The following CNTNAP5 variants were observed in gnomAD, a reference collection of about 807,000 sequenced individuals.
CNTNAP5 encodes the protein contactin associated protein family member 5, also known as contactin-associated protein-like 5.
CNTNAP5 carries 72 observed loss-of-function variants against 150.2 expected under a neutral mutation model. The ratio of observed to expected loss-of-function variants is 0.48; its 90% CI spans 0.40 to 0.58. CNTNAP5 has a LOEUF of 0.58. Among genes scored for constraint, CNTNAP5 ranks in the 20% least tolerant of loss-of-function variants. The pLI is 0.00. For missense variants in CNTNAP5, 1,636 were observed against 1,626.2 expected, an observed-to-expected ratio of 1.01 and a Z score of -0.10; for synonymous variants, 672 against 619.8, an observed-to-expected ratio of 1.08 and a Z score of -1.25.
intron 19 of CNTNAP5, among the ~76,000 whole-genome samples, chr2:124,844,444 G>T (rs1444809015): frequency 2.0e-5 from 3 of 152,058 alleles, no homozygotes. Flanking sequence ...GTCAGGTAAT[G>T]CGATGCCTCC....
At chr2:124,870,169 A>G (rs72963865) in intron 21 of CNTNAP5, among the ~76,000 whole-genome samples, 5,601 of 144,448 alleles carry the variant, frequency 0.039, 334 homozygotes, top group African/African-American at 0.14. Context: ...TTTTTTTTCT[A>G]TTGGAAGTTC....
intron 21 of CNTNAP5, among the ~76,000 whole-genome samples, chr2:124,901,167 C>G (rs1272968261): frequency 2.0e-5 from 3 of 151,514 alleles, no homozygotes; most frequent in African/African-American, 7.3e-5. Flanking sequence ...TTTTCATTAT[C>G]ATTTTTGGGA....
intron 3 of CNTNAP5, among the ~76,000 whole-genome samples, chr2:124,339,016 G>A (rs959104580): frequency 1.3e-5 from 2 of 152,132 alleles, no homozygotes; most frequent in South Asian, 2.1e-4. Flanking sequence ...GGTAGTCATG[G>A]AGGAAAAAAG....
At chr2:124,416,570 T>C (rs1420339262) in intron 3 of CNTNAP5, among the ~76,000 whole-genome samples, 3 of 152,180 alleles carry the variant, frequency 2.0e-5, no homozygotes, top group African/African-American at 4.8e-5. Flanking sequence ...GTAACAACAA[T>C]GAAATTGTTG....
At chr2:124,762,325 A>G (rs1041874520) in intron 14 of CNTNAP5, among the ~76,000 whole-genome samples, 2 of 152,126 alleles carry the variant, frequency 1.3e-5, no homozygotes, top group Non-Finnish European at 2.9e-5. Flanking sequence ...AGATGAATTA[A>G]TATGTTTTTC....
intron 11 of CNTNAP5, among the ~76,000 whole-genome samples, chr2:124,597,891 A>G (rs994243894): frequency 2.9e-5 from 4 of 138,296 alleles, no homozygotes; most frequent in African/African-American, 1.1e-4. Context: ...CATTTCATTC[A>G]TTTCATCTTC....
At chr2:124,451,406 G>A (rs143513987) in intron 6 of CNTNAP5, among the ~76,000 whole-genome samples, 2 of 151,978 alleles carry the variant, frequency 1.3e-5, no homozygotes, top group African/African-American at 4.8e-5. Context: ...TTGGAACTAA[G>A]ATATATAAAA....
chr2:124,114,769 C>T (rs115271314), intron 1 of CNTNAP5, among the ~76,000 whole-genome samples: 2,865 of 151,636 alleles, frequency 0.019, 42 homozygotes, highest in Middle Eastern at 0.057. Context: ...TAACACTTTA[C>T]TAACTTAAAT....
At chr2:124,563,346 C>T (rs1327266687) in intron 11 of CNTNAP5, 23 bp downstream of exon 11, 28 of 1,455,444 alleles carry the variant, frequency 1.9e-5, no homozygotes, top group Non-Finnish European at 2.2e-5. Context: ...ATCATTTGCC[C>T]CTGGTGGCTT....
Position 124,416,711 on chromosome 2 carries a change from T to C in CNTNAP5, c.382-732T>C, listed in dbSNP as rs553787282. Among the ~76,000 whole-genome samples the C allele has an allele frequency of 6.8e-4, 104 of 152,238 alleles. 1 individual carries two copies. Among genetic ancestry groups the C allele is most frequent in the Middle Eastern group, 3.4e-3 (1 of 294 alleles). The stretch of plus-strand genomic sequence containing the variant: ...ATCTGTAAAATGGTGATAATGATAA[T>C]GGAAAGTGCTTAGCATAGTGACTGG... On this transcript the variant is annotated intron_variant, in intron 3 of 23. Transcript: ENST00000682447.
intron 19 of CNTNAP5, among the ~76,000 whole-genome samples, chr2:124,800,324 A>T (rs899197292): frequency 1.3e-5 from 2 of 152,208 alleles, no homozygotes; most frequent in African/African-American, 4.8e-5. Context: ...AGCTGCCATG[A>T]AGACAGACAG....
intron 10 of CNTNAP5, among the ~76,000 whole-genome samples, chr2:124,559,313 A>T (rs1344454354): frequency 6.6e-6 from 1 of 151,192 alleles, no homozygotes; most frequent in East Asian, 2.0e-4. Flanking sequence ...TCAATCCTTT[A>T]TCTCATTTCC....
At chr2:124,660,681 G>A (rs936411985) in intron 13 of CNTNAP5, among the ~76,000 whole-genome samples, 3 of 152,070 alleles carry the variant, frequency 2.0e-5, no homozygotes, top group African/African-American at 7.2e-5. Context: ...TTCACAGCCT[G>A]TTGCTGTACT....
intron 5 of CNTNAP5, among the ~76,000 whole-genome samples, chr2:124,444,337 G>A (rs1214184612): frequency 1.3e-5 from 2 of 152,108 alleles, no homozygotes; most frequent in Non-Finnish European, 2.9e-5. Flanking sequence ...GCTCACACCT[G>A]TAATCCCAGC....
chr2:124,261,364 C>G (rs1687450238), intron 3 of CNTNAP5, among the ~76,000 whole-genome samples: 1 of 152,170 alleles, frequency 6.6e-6, no homozygotes, highest in East Asian at 1.9e-4. Context: ...TTTTCCCCAA[C>G]TGTCCCATGA....
intron 14 of CNTNAP5, among the ~76,000 whole-genome samples, chr2:124,758,445 G>A (rs1680887402): frequency 6.6e-6 from 1 of 152,046 alleles, no homozygotes; most frequent in Non-Finnish European, 1.5e-5. Flanking sequence ...ATGTGTGTGT[G>A]TGTCTGTGTG....
chr2:124,913,714 G>A (rs1678703712), intron 23 of CNTNAP5, among the ~76,000 whole-genome samples: 1 of 152,148 alleles, frequency 6.6e-6, no homozygotes, highest in South Asian at 2.1e-4. Flanking sequence ...ACTTAGTTGT[G>A]AGGTGACAAA....
rs749942734 is a variant in CNTNAP5 at position 124,914,223 on chromosome 2, T to C, written c.3859T>C (p.Ser1287Pro). ...GGAATATCCAGAAAATTTGGACAGT[T>C]CCTTCAGAAATGAAATTGACTTGCA... ...EKEYPENLDSSFRNEIDLQNT... is the reference protein window; with the variant it reads ...EKEYPENLDSPFRNEIDLQNT... The change falls in exon 24 of 24, where the codon TCC becomes CCC. Residue 1287 changes from serine (S) to proline (P), a missense_variant. Ser to Pro is a moderately conservative substitution (Grantham distance 74, BLOSUM62 -1). Transcript: ENST00000682447. 6.2e-7 allele frequency: 1 copy of C among 1,612,604 alleles called. No homozygotes were observed. The highest frequency in any genetic ancestry group is 1.7e-5 in the Admixed American group (1 of 59,870).
At chr2:124,623,280 A>G (rs1474931842) in intron 12 of CNTNAP5, among the ~76,000 whole-genome samples, 1 of 152,216 alleles carries the variant, frequency 6.6e-6, no homozygotes, top group Non-Finnish European at 1.5e-5. Flanking sequence ...CATAATTCAC[A>G]CAACAGCTAG....
Sources: gnomAD v4.1 joint callset for allele counts (sites outside exome capture counted in the v4.1 genomes callset) on GRCh38, gnomAD v4.1.1 for gene constraint, MANE v1.5 for transcripts, NCBI Gene and HGNC (gene_info 2026-07-23, HGNC 2026-07-21) for gene names.